Variants in HECW1 observed in about 807,000 individuals in gnomAD.
HECW1 encodes HECT, C2 and WW domain containing E3 ubiquitin protein ligase 1.
Under a neutral mutation model 182.3 loss-of-function variants are expected in HECW1, and 61 were observed. That is an observed-to-expected ratio of 0.33 (90% confidence interval 0.27 to 0.41). The LOEUF (loss-of-function observed/expected upper bound fraction) is 0.41, where lower values mean the gene tolerates loss of function less well. Among genes scored for constraint, HECW1 ranks in the 10% least tolerant of loss-of-function variants. The pLI, the probability that HECW1 is intolerant of heterozygous loss-of-function variation, is 1.00. For missense variants in HECW1, 1,739 were observed against 2,108.9 expected, an observed-to-expected ratio of 0.82 and a Z score of 3.44; for synonymous variants, 859 against 832.6, an observed-to-expected ratio of 1.03 and a Z score of -0.55.
At position 43,272,142 on chromosome 7, in the gene HECW1, G is replaced by A. The variant is rs1209381742; in HGVS notation, c.27+28210G>A. On this transcript the variant is annotated intron_variant, in intron 3 of 29. Transcript: ENST00000395891. ...TACTGGAAAAACTGGCTAGTCACAA[G>A]CAGAAGAATGAAACTGAATCCCTAT... is the stretch of plus-strand genomic sequence containing the variant. 3.3e-5 allele frequency among the ~76,000 whole-genome samples: 5 copies of A among 151,990 alleles called. No individual in the cohort carries two copies. The East Asian group carries it at 9.7e-4, about 29-fold the overall frequency.
At chr7:43,541,340 C>A (rs1055029948) in intron 25 of HECW1, 79 bp downstream of exon 25, 6 of 1,086,974 alleles carry the variant, frequency 5.5e-6, no homozygotes, top group South Asian at 5.0e-5. Context: ...TGCCACTGAC[C>A]CTTTTGTCAC....
intron 2 of HECW1, among the ~76,000 whole-genome samples, chr7:43,206,275 C>T (rs73690268): frequency 0.014 from 2,065 of 152,154 alleles, 25 homozygotes; most frequent in African/African-American, 0.027. Flanking sequence ...TGATCTGCCA[C>T]GGAGTCAAGA....
Position 43,379,610 on chromosome 7 carries a change from C to A in HECW1, c.556-17204C>A, listed in dbSNP as rs1249493645. On this transcript the variant is annotated intron_variant, in intron 6 of 29. Transcript: ENST00000395891. ...ACTGCCTCATTCTTTCCACCTAATT[C>A]CAGCCTCGAGAGTCCTCTTTCTAAT... 2.0e-5 allele frequency among the ~76,000 whole-genome samples: 3 copies of A among 152,148 alleles called. No homozygotes were observed. The East Asian group carries it at 5.8e-4, about 29-fold the overall frequency.
intron 14 of HECW1, among the ~76,000 whole-genome samples, chr7:43,465,552 C>T (rs769026248): frequency 2.0e-5 from 3 of 152,188 alleles, no homozygotes; most frequent in Non-Finnish European, 4.4e-5. Context: ...GCAGAACTGA[C>T]CCGTTGTCAC....
chr7:43,216,003 G>T (rs1271759597), intron 2 of HECW1, among the ~76,000 whole-genome samples: 1 of 152,192 alleles, frequency 6.6e-6, no homozygotes, highest in African/African-American at 2.4e-5. Flanking sequence ...GAGAGATGTT[G>T]TACAGTTTAT....
At chr7:43,356,926 A>G (rs1201257286) in intron 5 of HECW1, among the ~76,000 whole-genome samples, 2 of 152,250 alleles carry the variant, frequency 1.3e-5, no homozygotes, top group African/African-American at 2.4e-5. Context: ...AGCATCTTTT[A>G]AAAGATGTGA....
intron 20 of HECW1, 103 bp downstream of exon 20, chr7:43,500,885 G>C (rs1450411019): frequency 3.1e-6 from 3 of 956,008 alleles, no homozygotes; most frequent in Admixed American, 3.6e-5. Flanking sequence ...CTCACCGCTT[G>C]TTCTAGAGGA....
chr7:43,137,422 A>G (rs1787662363), intron 2 of HECW1, among the ~76,000 whole-genome samples: 1 of 152,192 alleles, frequency 6.6e-6, no homozygotes, highest in Admixed American at 6.5e-5. Context: ...GCCTCTCTCT[A>G]AAATGGATAC....
intron 13 of HECW1, among the ~76,000 whole-genome samples, chr7:43,456,694 A>T (rs17172210): frequency 0.19 from 28,630 of 152,216 alleles, 2,889 homozygotes; most frequent in South Asian, 0.22. Context: ...TAGCCTAGGC[A>T]CAAAAATAGG....
chr7:43,297,349 G>T (rs927897301), intron 3 of HECW1, among the ~76,000 whole-genome samples: 1 of 152,186 alleles, frequency 6.6e-6, no homozygotes, highest in Non-Finnish European at 1.5e-5. Context: ...TTCCTAATCA[G>T]CAGGTAGAAA....
chr7:43,457,359 AG>A (rs770013657), intron 13 of HECW1, among the ~76,000 whole-genome samples: 3 of 152,250 alleles, frequency 2.0e-5, no homozygotes, highest in Non-Finnish European at 4.4e-5. Flanking sequence ...GGAAAAGTTG[AG>A]AAAGACGAAA....
intron 5 of HECW1, among the ~76,000 whole-genome samples, chr7:43,326,622 A>T (rs1810826632): frequency 6.6e-6 from 1 of 152,228 alleles, no homozygotes; most frequent in Non-Finnish European, 1.5e-5. Flanking sequence ...ATTAGGAATT[A>T]CAGGTGTCAC....
chr7:43,285,009 T>TC (rs2152750487), intron 3 of HECW1, among the ~76,000 whole-genome samples: 1 of 152,028 alleles, frequency 6.6e-6, no homozygotes, highest in African/African-American at 2.4e-5. Context: ...TTTTTTTTTT[T>TC]TTGCTTTAAG....
Position 43,415,436 on chromosome 7 carries a change from A to C in HECW1, c.801+7705A>C, listed in dbSNP as rs1258554936. Among the ~76,000 whole-genome samples the C allele has an allele frequency of 1.4e-3, 203 of 149,628 alleles. 1 individual carries two copies. Among genetic ancestry groups the C allele is most frequent in the Non-Finnish European group, 1.1e-3 (76 of 67,150 alleles). ...TGGGCTTCCCTTTGAGGGTAACCCG[A>C]CCTTTCTCTCTGGCTGCCCTTAACA... On this transcript the variant is annotated intron_variant, in intron 8 of 29. Coordinates refer to ENST00000395891, the MANE Select transcript of HECW1 (RefSeq NM_015052.5).
intron 5 of HECW1, among the ~76,000 whole-genome samples, chr7:43,359,077 C>T (rs1229729529): frequency 1.3e-5 from 2 of 152,144 alleles, no homozygotes; most frequent in Non-Finnish European, 1.5e-5. Context: ...CCACCCACCT[C>T]GGCCTCCCAA....
At position 43,456,397 on chromosome 7, in the gene HECW1, T is replaced by A; in HGVS notation, c.2601T>A (p.Asp867Glu). 1 of 1,614,084 alleles carries A rather than the reference T, an allele frequency of 6.2e-7. No homozygotes were observed. Among genetic ancestry groups the A allele is most frequent in the Non-Finnish European group, 8.5e-7 (1 of 1,180,004 alleles). The change falls in exon 13 of 30, where the codon GAT becomes GAA. Residue 867 changes from aspartate (D) to glutamate (E), a missense_variant. Coordinates refer to ENST00000395891, the MANE Select transcript of HECW1 (RefSeq NM_015052.5). ...GTCCGACGGCAGCAGCCACCCCGGA[T>A]GGCATGCGGAGATCGGGGTCCATCC... ...WQRPTAAATP[D>E]GMRRSGSIQQ...
intron 6 of HECW1, among the ~76,000 whole-genome samples, chr7:43,382,158 G>C (rs368879596): frequency 6.6e-6 from 1 of 152,072 alleles, no homozygotes; most frequent in African/African-American, 2.4e-5. Flanking sequence ...TGGTGGTGGG[G>C]GCCTGTAGTC....
chr7:43,193,536 C>T (rs537610909), intron 2 of HECW1, among the ~76,000 whole-genome samples: 10 of 152,236 alleles, frequency 6.6e-5, no homozygotes, highest in African/African-American at 2.2e-4. Flanking sequence ...TGCCCACCAC[C>T]ACGCCCAGCT....
intron 12 of HECW1, among the ~76,000 whole-genome samples, chr7:43,453,251 A>T (rs1413815977): frequency 2.0e-5 from 3 of 152,212 alleles, no homozygotes; most frequent in Non-Finnish European, 2.9e-5. Flanking sequence ...GACAAACAAT[A>T]GTAGCTTGGG....
Sources: gnomAD v4.1 joint callset for allele counts (sites outside exome capture counted in the v4.1 genomes callset) on GRCh38, gnomAD v4.1.1 for gene constraint, MANE v1.5 for transcripts, NCBI Gene and HGNC (gene_info 2026-07-23, HGNC 2026-07-21) for gene names.